MLKL: variants seen among roughly 807,000 people sequenced by gnomAD.
The protein encoded by MLKL is mixed lineage kinase domain like pseudokinase, also known as mixed lineage kinase domain-like protein.
A neutral mutation model predicts 56.5 loss-of-function variants in MLKL; 55 were observed. The observed-to-expected ratio is 0.97, with a 90% CI of 0.78 to 1.22. MLKL has a LOEUF of 1.22. MLKL is among the 50% of genes most tolerant of loss of function. MLKL has a pLI of 0.00. For missense variants in MLKL, 694 were observed against 573.9 expected (o/e 1.21, Z -2.14); for synonymous variants, 251 against 208.3 (o/e 1.20, Z -1.76).
chr16:74,681,997 G>A (rs546803328), intron 6 of MLKL, among the ~76,000 whole-genome samples: 41 of 152,224 alleles, frequency 2.7e-4, no homozygotes, highest in Middle Eastern at 3.4e-3. Flanking sequence ...TGTAATCCCA[G>A]CACTTTGGAA....
chr16:74,672,476 G>C lies in MLKL; in HGVS notation c.*28C>G, dbSNP rs760406059. On this transcript the variant is annotated 3_prime_UTR_variant, in exon 11 of 11. Coordinates refer to ENST00000308807, the MANE Select transcript of MLKL (RefSeq NM_152649.4). Reference sequence around the variant, plus strand: ...TGTGCCTCTCCCAGCTTCTTGTCCAGAGACTCCTTGGTTTAGATTTTGATA... The same window carrying C: ...TGTGCCTCTCCCAGCTTCTTGTCCACAGACTCCTTGGTTTAGATTTTGATA... The C allele has an allele frequency of 6.2e-7, 1 of 1,607,624 alleles. No individual in the cohort carries two copies.
chr16:74,696,073 C>A (rs1241928808), intron 1 of MLKL, among the ~76,000 whole-genome samples: 1 of 152,160 alleles, frequency 6.6e-6, no homozygotes, highest in African/African-American at 2.4e-5. Context: ...CGGACTGGGG[C>A]AGCTGTGCCG....
Position 74,692,240 on chromosome 16 carries a change from G to A in MLKL, c.535+102C>T, listed in dbSNP as rs370955003. On this transcript the variant is annotated intron_variant, in intron 3 of 10. Coordinates refer to ENST00000308807, the MANE Select transcript of MLKL (RefSeq NM_152649.4). ...GGGCTGCTTCCAGCCATCCAGCACA[G>A]AAAATGGACAAATGCAGGGGTAGCG... The A allele has an allele frequency of 9.3e-4, 1,014 of 1,092,402 alleles. 21 individuals carry two copies. In the South Asian group the frequency reaches 0.014, roughly 15 times the overall value. The allele number at this position is 1,092,402 out of a possible 1,614,324, so 67.7% of individuals were successfully genotyped here.
intron 7 of MLKL, 180 bp from the exon 8 acceptor site, chr16:74,675,944 ACAGTG>A: frequency 1.5e-6 from 1 of 652,356 alleles, no homozygotes. Flanking sequence ...TCAACTTATC[ACAGTG>A]CAGTGACCAA....
At chr16:74,688,128 C>T (rs111443669) in intron 4 of MLKL, among the ~76,000 whole-genome samples, 2,171 of 152,160 alleles carry the variant, frequency 0.014, 44 homozygotes, top group African/African-American at 0.05. Context: ...CCAGCCAACG[C>T]CCGGCTAATT....
At chr16:74,694,333 G>A (rs1036699586) in intron 2 of MLKL, among the ~76,000 whole-genome samples, 2 of 152,164 alleles carry the variant, frequency 1.3e-5, no homozygotes, top group African/African-American at 4.8e-5. Flanking sequence ...AGTACTGAAG[G>A]TCTCATGTCC....
At chr16:74,694,154 GACA>G (rs2144552787) in intron 2 of MLKL, among the ~76,000 whole-genome samples, 1 of 152,244 alleles carries the variant, frequency 6.6e-6, no homozygotes, top group South Asian at 2.1e-4. Flanking sequence ...CTGACTGTGT[GACA>G]ACAACAATAA....
intron 1 of MLKL, among the ~76,000 whole-genome samples, chr16:74,697,390 G>T (rs562597490): frequency 6.6e-6 from 1 of 152,172 alleles, no homozygotes; most frequent in East Asian, 1.9e-4. Flanking sequence ...ATTGTTTAAG[G>T]CAGTTTGAAT....
At chr16:74,696,360 C>A (rs1053219408) in intron 1 of MLKL, among the ~76,000 whole-genome samples, 1 of 152,004 alleles carries the variant, frequency 6.6e-6, no homozygotes, top group East Asian at 1.9e-4. Context: ...GCGGGTAATT[C>A]AAATGAGTGA....
chr16:74,698,899 A>C (rs1360467877), intron 1 of MLKL, among the ~76,000 whole-genome samples: 2 of 152,182 alleles, frequency 1.3e-5, no homozygotes, highest in Non-Finnish European at 2.9e-5. Flanking sequence ...GGATCACCTG[A>C]GGTCGGGAGT....
Position 74,695,671 on chromosome 16 carries a change from C to T in MLKL, c.87G>A (p.Arg29=), listed in dbSNP as rs1960995215. 1.2e-6 allele frequency: 2 copies of T among 1,614,042 alleles called. No homozygotes were observed. Among genetic ancestry groups the T allele is most frequent in the Admixed American group, 1.7e-5 (1 of 59,998 alleles). The change falls in exon 2 of 11, where the codon CGG becomes CGA. Residue 29 remains arginine (R), a synonymous_variant. Transcript: ENST00000308807. ...GGCCGAGGACGCGGTGGCCCAGGCG[C>T]CGGCACTGTTTCTTGCAGTATTTCA... ...EEMKYCKKQC[R]RLGHRVLGLI... is the part of the protein sequence containing the mutation.
chr16:74,697,851 G>A (rs867276731), intron 1 of MLKL, among the ~76,000 whole-genome samples: 3 of 152,114 alleles, frequency 2.0e-5, no homozygotes, highest in Admixed American at 1.3e-4. Context: ...AAGATGCTGC[G>A]GTTCAGGGAG....
intron 5 of MLKL, among the ~76,000 whole-genome samples, chr16:74,684,435 A>AG: frequency 6.7e-6 from 1 of 150,130 alleles, no homozygotes; most frequent in Non-Finnish European, 1.5e-5. Flanking sequence ...AAAAAAGAAA[A>AG]AAAAAAAAAA....
intron 10 of MLKL, among the ~76,000 whole-genome samples, chr16:74,673,585 T>C (rs530239236): frequency 6.6e-6 from 1 of 151,990 alleles, no homozygotes; most frequent in South Asian, 2.1e-4. Flanking sequence ...GAGAGAGAGA[T>C]GCTTCCAGGG....
intron 4 of MLKL, among the ~76,000 whole-genome samples, chr16:74,686,275 T>C (rs1295878397): frequency 1.3e-5 from 2 of 152,136 alleles, no homozygotes; most frequent in Admixed American, 6.5e-5. Context: ...GGTGTGTGTC[T>C]TTGATGAATA....
rs374860570 is a variant in MLKL at position 74,675,422 on chromosome 16, A to G, written c.1191-18T>C. 4 of 1,612,532 alleles carry G rather than the reference A, an allele frequency of 2.5e-6. No homozygotes were observed. The highest frequency in any genetic ancestry group is 3.4e-6 in the Non-Finnish European group (4 of 1,179,740). On this transcript the variant is annotated intron_variant, in intron 8 of 10. Transcript: ENST00000308807. Reference sequence around the variant, plus strand: ...TTCCAAAGCTAAAAGAAAACCAAGAAACTGAACAACCATAACTAGTCTCCC... The same window carrying G: ...TTCCAAAGCTAAAAGAAAACCAAGAGACTGAACAACCATAACTAGTCTCCC...
At chr16:74,673,514 G>A (rs545318044) in intron 10 of MLKL, among the ~76,000 whole-genome samples, 2 of 152,114 alleles carry the variant, frequency 1.3e-5, no homozygotes, top group South Asian at 2.1e-4. Flanking sequence ...CACTGCACCC[G>A]GCCCCTTCTC....
intron 10 of MLKL, among the ~76,000 whole-genome samples, chr16:74,673,454 G>A (rs148019601): frequency 0.01 from 1,564 of 152,236 alleles, 13 homozygotes; most frequent in Middle Eastern, 0.027. Flanking sequence ...CTGACCACAA[G>A]TGATCTGCCT....
In MLKL at chr16:74,691,468, C is replaced by G. The variant is rs561723087; in HGVS notation, c.536-5G>C. On this transcript the variant is annotated splice_polypyrimidine_tract_variant and splice_region_variant and intron_variant, in intron 3 of 10. Transcript: ENST00000308807. Reference sequence around the variant, plus strand: ...GCATGCATTTTGGTGGTAAATCTGACCTCACCCCCGAGAGGAAAGAAGACA... The same window carrying G: ...GCATGCATTTTGGTGGTAAATCTGAGCTCACCCCCGAGAGGAAAGAAGACA... 1.2e-5 allele frequency: 19 copies of G among 1,608,930 alleles called. No homozygotes were observed. In the East Asian group the frequency reaches 4.0e-4, roughly 34 times the overall value.
Sources: gnomAD v4.1 joint callset for allele counts (sites outside exome capture counted in the v4.1 genomes callset) on GRCh38, gnomAD v4.1.1 for gene constraint, MANE v1.5 for transcripts, NCBI Gene and HGNC (gene_info 2026-07-23, HGNC 2026-07-21) for gene names.